RCOR3: variants seen among roughly 807,000 people sequenced by gnomAD.
The protein encoded by RCOR3 is REST corepressor 3.
A neutral mutation model predicts 64.1 loss-of-function variants in RCOR3; 13 were observed. The ratio of observed to expected loss-of-function variants is 0.20; its 90% CI spans 0.13 to 0.32. RCOR3 has a LOEUF of 0.32. RCOR3 is among the 10% of genes least tolerant of loss of function. The pLI is 1.00. For missense variants in RCOR3, 489 were observed against 701.2 expected (o/e 0.70, Z 3.42); for synonymous variants, 215 against 239.0 (o/e 0.90, Z 0.93).
intron 7 of RCOR3, among the ~76,000 whole-genome samples, chr1:211,284,538 A>ATTT (rs1553256202): frequency 6.6e-6 from 1 of 150,900 alleles, no homozygotes. Context: ...GTATTTATTT[A>ATTT]ACAGTTGGGG....
intron 7 of RCOR3, among the ~76,000 whole-genome samples, chr1:211,288,647 G>T (rs1318009924): frequency 6.8e-6 from 1 of 147,224 alleles, no homozygotes; most frequent in African/African-American, 2.5e-5. Context: ...ATATTTTCAG[G>T]GTTAAGATAA....
intron 2 of RCOR3, among the ~76,000 whole-genome samples, chr1:211,267,557 G>T (rs1480735613): frequency 1.3e-5 from 2 of 152,050 alleles, no homozygotes; most frequent in Non-Finnish European, 2.9e-5. Flanking sequence ...TGTCAGATGG[G>T]GCCCTTAATT....
chr1:211,301,315 C>T (rs569838571), intron 9 of RCOR3: 3 of 152,296 alleles, frequency 2.0e-5, no homozygotes, highest in African/African-American at 7.2e-5. Context: ...CTTCCCACAT[C>T]TCCCACATCA....
intron 8 of RCOR3, among the ~76,000 whole-genome samples, chr1:211,293,850 AGGG>A (rs1479113670): frequency 1.3e-5 from 2 of 152,174 alleles, no homozygotes; most frequent in Admixed American, 1.3e-4. Context: ...TGTCCACACT[AGGG>A]GGGAAAAACA....
intron 8 of RCOR3, 26 bp downstream of exon 8, chr1:211,289,422 A>G (rs998151362): frequency 1.9e-6 from 3 of 1,539,990 alleles, no homozygotes; most frequent in Non-Finnish European, 8.9e-7. Flanking sequence ...AATATTTTTA[A>G]TGATTCTGTG....
chr1:211,290,363 G>A (rs76472036), intron 8 of RCOR3, among the ~76,000 whole-genome samples: 4,817 of 152,218 alleles, frequency 0.032, 279 homozygotes, highest in East Asian at 0.26. Flanking sequence ...ATCCCCTGCT[G>A]TTATCCCTTT....
chr1:211,276,044 G>A (rs1214607417), intron 4 of RCOR3, among the ~76,000 whole-genome samples: 1 of 152,164 alleles, frequency 6.6e-6, no homozygotes, highest in Non-Finnish European at 1.5e-5. Context: ...AATATGGTAT[G>A]TAAGAACATT....
At position 211,271,297 on chromosome 1, in the gene RCOR3, C is replaced by G. The variant is rs546653215; in HGVS notation, c.289C>G (p.Pro97Ala). ...MLVWSPYHSI[P>A]DAKLDEYIAI... ...TGTATGGTCTCCATATCACAGTATC[C>G]CAGATGCCAAATGTAAGTTTTCTGA... The change falls in exon 3 of 12, where the codon CCA becomes GCA. Residue 97 changes from proline to alanine, a missense_variant. Around this residue, in one of 2 missense-constraint regions of RCOR3, gnomAD observed 402 missense variants for 617.0 expected, o/e 0.65. Transcript: ENST00000419091. 5 of 1,612,964 alleles carry G rather than the reference C, an allele frequency of 3.1e-6. No homozygotes were observed. In the African/African-American group the frequency reaches 6.7e-5, roughly 22 times the overall value.
intron 3 of RCOR3, among the ~76,000 whole-genome samples, chr1:211,272,653 G>A (rs1206445090): frequency 9.8e-6 from 1 of 101,714 alleles, no homozygotes; most frequent in East Asian, 3.1e-4. Flanking sequence ...ACGGAGTCTC[G>A]CTCTGTCGCC....
intron 1 of RCOR3, 118 bp from the exon 2 acceptor site, chr1:211,259,990 C>T: frequency 2.9e-6 from 4 of 1,402,602 alleles, no homozygotes; most frequent in Non-Finnish European, 3.7e-6. Context: ...GATATCTTCC[C>T]ATCCACCCGC....
rs542293110 is a variant in RCOR3, at chr1:211,304,398, G to C, written c.1075+258G>C. Among the ~76,000 whole-genome samples the C allele has an allele frequency of 1.5e-4, 23 of 152,294 alleles. 1 individual carries two copies. The South Asian group carries it at 4.6e-3, about 30-fold the overall frequency. On this transcript the variant is annotated intron_variant, in intron 10 of 11. Coordinates refer to ENST00000419091, the MANE Select transcript of RCOR3 (RefSeq NM_001136223.3). ...GATGGTGATAATTAAGCATGAAAAA[G>C]TCACATGGGCTCTCTGTGCTTCTCC...
At chr1:211,308,661 G>GTTTTTTTGTTTTTTT (rs1701115898) in intron 10 of RCOR3, among the ~76,000 whole-genome samples, 1 of 27,488 alleles carries the variant, frequency 3.6e-5, no homozygotes, top group African/African-American at 1.1e-4. Context: ...TTTTGGATGT[G>GTTTTTTTGTTTTTTT]TTTTTTTTTT....
At chr1:211,276,100 T>C (rs1181185636) in intron 4 of RCOR3, among the ~76,000 whole-genome samples, 157 bp from the exon 5 acceptor site, 2 of 152,206 alleles carry the variant, frequency 1.3e-5, no homozygotes, top group African/African-American at 4.8e-5. Flanking sequence ...AAATGAGGTC[T>C]GCTACCTGAG....
intron 7 of RCOR3, among the ~76,000 whole-genome samples, chr1:211,284,598 A>G (rs1698279400): frequency 6.6e-6 from 1 of 152,032 alleles, no homozygotes; most frequent in Non-Finnish European, 1.5e-5. Context: ...ATCATAGCTC[A>G]CTTCTGGCAC....
chr1:211,285,182 T>C (rs1015116910), intron 7 of RCOR3, among the ~76,000 whole-genome samples: 1 of 152,250 alleles, frequency 6.6e-6, no homozygotes, highest in Non-Finnish European at 1.5e-5. Flanking sequence ...TTATTTCTTC[T>C]CTTGCTGAAC....
At chr1:211,275,275 G>T (rs566927013) in intron 4 of RCOR3, among the ~76,000 whole-genome samples, 1 of 152,118 alleles carries the variant, frequency 6.6e-6, no homozygotes, top group East Asian at 1.9e-4. Flanking sequence ...CAGTTACATG[G>T]TAAAGGAATG....
rs1701639325 is a variant in RCOR3, at chr1:211,312,902, G to A, written c.1258G>A (p.Glu420Lys). 1.2e-6 allele frequency: 2 copies of A among 1,614,184 alleles called. No homozygotes were observed. Among genetic ancestry groups the A allele is most frequent in the Admixed American group, 1.7e-5 (1 of 60,018 alleles). The change falls in exon 11 of 12, where the codon GAG (glutamate) becomes AAG (lysine). Residue 420 changes from glutamate (E) to lysine (K), a missense_variant. By Grantham distance (56) the Glu-to-Lys change is moderately conservative. Around this residue, in one of 2 missense-constraint regions of RCOR3, gnomAD observed 402 missense variants for 617.0 expected, o/e 0.65. Transcript: ENST00000419091. The surrounding 1 kb of genome is among the most constrained non-coding windows in gnomAD (Gnocchi z 5.0). ...ASNGDASTLG[E>K]ETKSASNVPS... is the part of the protein sequence containing the mutation. ...TAATGGTGATGCTTCTACTTTAGGG[G>A]AGGAGACAAAAAGTGCTTCTAATGT...
intron 7 of RCOR3, among the ~76,000 whole-genome samples, chr1:211,279,941 A>G (rs1697544607): frequency 6.6e-6 from 1 of 152,182 alleles, no homozygotes; most frequent in Non-Finnish European, 1.5e-5. Flanking sequence ...AAATGATACA[A>G]TTATGTAAAT....
intron 2 of RCOR3, among the ~76,000 whole-genome samples, chr1:211,264,131 A>T (rs987113465): frequency 6.6e-6 from 1 of 152,144 alleles, no homozygotes; most frequent in African/African-American, 2.4e-5. Context: ...CCAAAAAGAT[A>T]TTTATTAATT....
Sources: allele counts gnomAD v4.1 joint callset (sites outside exome capture counted in the v4.1 genomes callset), GRCh38; gene constraint gnomAD v4.1.1; regional missense constraint gnomAD v4.1.1; non-coding constraint Gnocchi (gnomAD v3.1); transcripts MANE v1.5; gene names NCBI Gene and HGNC (gene_info 2026-07-23, HGNC 2026-07-21).